The following SCN1A variants were observed in gnomAD, a reference collection of about 807,000 sequenced individuals.
SCN1A encodes the protein sodium channel protein type 1 subunit alpha.
SCN1A carries 13 observed loss-of-function variants against 193.7 expected under a neutral mutation model. The ratio of observed to expected loss-of-function variants is 0.07; its 90% CI spans 0.04 to 0.11. SCN1A has a LOEUF of 0.11. SCN1A is among the 10% of genes least tolerant of loss of function. SCN1A has a pLI of 1.00. For synonymous variants in SCN1A, 781 were observed against 843.6 expected, an observed-to-expected ratio of 0.93 and a Z score of 1.29; for missense variants, 1,432 against 2,451.1, an observed-to-expected ratio of 0.58 and a Z score of 8.78.
chr2:166,139,436 T>G (rs183912514), intron 1 of SCN1A, among the ~76,000 whole-genome samples: 1 of 152,342 alleles, frequency 6.6e-6, no homozygotes, highest in East Asian at 1.9e-4. Flanking sequence ...TCACAAGATC[T>G]GATGGCTTTA....
At chr2:166,137,621 C>A (rs554399042) in intron 1 of SCN1A, 1 of 152,448 alleles carries the variant, frequency 6.6e-6, no homozygotes, top group East Asian at 1.9e-4. Flanking sequence ...GAAGCCTCCC[C>A]AGCCATTTGG....
At chr2:166,087,032 T>A (rs1422032585) in intron 2 of SCN1A, among the ~76,000 whole-genome samples, 2 of 152,044 alleles carry the variant, frequency 1.3e-5, no homozygotes, top group Non-Finnish European at 2.9e-5. Context: ...TGTTGAAATT[T>A]GATTCCTAAT....
intron 23 of SCN1A, among the ~76,000 whole-genome samples, chr2:166,005,888 C>T (rs1012565627): frequency 6.6e-6 from 1 of 151,324 alleles, no homozygotes; most frequent in Non-Finnish European, 1.5e-5. Flanking sequence ...TGAATTAATA[C>T]TGTACTAGAG....
chr2:166,023,776 A>AT (rs1454524564), intron 19 of SCN1A, among the ~76,000 whole-genome samples: 1 of 151,196 alleles, frequency 6.6e-6, no homozygotes, highest in Non-Finnish European at 1.5e-5. Flanking sequence ...AGAAAAAAAA[A>AT]TGATGTTTTT....
intron 2 of SCN1A, among the ~76,000 whole-genome samples, chr2:166,097,456 T>G (rs2106118185): frequency 6.6e-6 from 1 of 152,286 alleles, no homozygotes; most frequent in East Asian, 1.9e-4. Flanking sequence ...TGCCAGGGTT[T>G]GAAAATCAGA....
At position 165,994,353 on chromosome 2, in the gene SCN1A, T is replaced by C. The variant is rs1434830166; in HGVS notation, c.4645A>G (p.Ile1549Val). The C allele has an allele frequency of 6.2e-7, 1 of 1,613,052 alleles. No individual in the cohort carries two copies. ...GTGACCATGTTAAGACAGATGAGAA[T>C]CATGATGCTTATGTCAAAAACTTGT... ...TRQVFDISIM[I>V]LICLNMVTMM... is the part of the protein sequence containing the mutation. The change falls in exon 28 of 29, where the codon ATT becomes GTT. Residue 1549 changes from isoleucine to valine, a missense_variant. Around this residue, in one of 18 missense-constraint regions of SCN1A, gnomAD observed 85 missense variants for 119.1 expected, o/e 0.71. Transcript: ENST00000674923.
intron 4 of SCN1A, chr2:166,060,322 T>A (rs1683158351): frequency 6.6e-6 from 1 of 152,154 alleles, no homozygotes; most frequent in Non-Finnish European, 1.5e-5. Flanking sequence ...CCAACAATAC[T>A]TAGCCCTCTT....
chr2:166,033,076 C>T (rs1048684857), intron 19 of SCN1A, among the ~76,000 whole-genome samples: 1 of 152,074 alleles, frequency 6.6e-6, no homozygotes, highest in Admixed American at 6.6e-5. Context: ...GACATGCATG[C>T]ATATAAGTAG....
rs1252865322 is a variant in SCN1A, at chr2:166,002,096, G to A, written c.4284+376C>T. Among the ~76,000 whole-genome samples the A allele has an allele frequency of 7.3e-5, 11 of 151,642 alleles. No individual in the cohort carries two copies. In the East Asian group the frequency reaches 2.1e-3, roughly 30 times the overall value. ...ATTAAGTGTATGTGTTTTGGAAGAT[G>A]ATCTATCTGTTAAGTGTATTCCGTT... On this transcript the variant is annotated intron_variant, in intron 24 of 28. Transcript: ENST00000674923.
At chr2:166,146,566 C>A (rs1692330886) in intron 1 of SCN1A, among the ~76,000 whole-genome samples, 1 of 152,146 alleles carries the variant, frequency 6.6e-6, no homozygotes, top group Non-Finnish European at 1.5e-5. Flanking sequence ...GGCAAGGACC[C>A]TGCTCAAAAT....
At chr2:166,139,776 A>G (rs1692007582) in intron 1 of SCN1A, among the ~76,000 whole-genome samples, 1 of 152,114 alleles carries the variant, frequency 6.6e-6, no homozygotes. Context: ...CCACAAGAAC[A>G]GTATGGGGAA....
Position 166,045,173 on chromosome 2 carries a change from C to A in SCN1A, c.1532G>T (p.Gly511Val). Residue 511 changes from glycine (G) to valine (V), a missense_variant, in exon 13 of 29, where the codon GGT becomes GTT. Around this residue, in one of 18 missense-constraint regions of SCN1A, gnomAD observed 316 missense variants for 362.1 expected, o/e 0.87. Coordinates refer to ENST00000674923, the MANE Select transcript of SCN1A (RefSeq NM_001165963.4). Reference sequence around the variant, plus strand: ...TTCATCCTCATCTTTCTCTTCCCCACCAGACTGCTCTTTCTGTTTTCTTTT... The same window carrying A: ...TTCATCCTCATCTTTCTCTTCCCCAACAGACTGCTCTTTCTGTTTTCTTTT... ...RKKRKQKEQSGGEEKDEDEFQ... is the reference protein window; with the variant it reads ...RKKRKQKEQSVGEEKDEDEFQ... 6.2e-7 allele frequency: 1 copy of A among 1,614,142 alleles called. No homozygotes were observed. The highest frequency in any genetic ancestry group is 8.5e-7 in the Non-Finnish European group (1 of 1,180,038).
chr2:166,048,693 C>G (rs1387896904), intron 10 of SCN1A, among the ~76,000 whole-genome samples, 193 bp downstream of exon 10: 2 of 151,992 alleles, frequency 1.3e-5, no homozygotes, highest in Non-Finnish European at 2.9e-5. Flanking sequence ...AGTATTACTT[C>G]TTGTTTTAGA....
At chr2:166,108,125 A>G (rs1688892640) in intron 2 of SCN1A, among the ~76,000 whole-genome samples, 1 of 152,114 alleles carries the variant, frequency 6.6e-6, no homozygotes, top group African/African-American at 2.4e-5. Context: ...CAAAGAACCT[A>G]ACTATAAAAA....
rs200951734 is a variant in SCN1A, at chr2:166,045,078, A to G, written c.1627T>C (p.Leu543=). ...GFRFSIEGNR[L]TYEKRYSSPH... ...GAGGAGTACCTCTTTTCATATGTCA[A>G]TCGGTTCCCTTCAATGGAGAAGCGA... Residue 543 remains leucine (L), a synonymous_variant, in exon 13 of 29, where the codon TTG becomes CTG. Coordinates refer to ENST00000674923, the MANE Select transcript of SCN1A (RefSeq NM_001165963.4). 8.1e-6 allele frequency: 13 copies of G among 1,614,052 alleles called. No homozygotes were observed. The highest frequency in any genetic ancestry group is 1.1e-5 in the Non-Finnish European group (13 of 1,180,042).
intron 15 of SCN1A, 48 bp from the exon 16 acceptor site, chr2:166,041,517 TACAC>T: frequency 8.6e-7 from 1 of 1,168,716 alleles, no homozygotes; most frequent in East Asian, 2.3e-5. Flanking sequence ...GTATACTTTA[TACAC>T]ACACATTTAT....
intron 3 of SCN1A, among the ~76,000 whole-genome samples, chr2:166,074,485 C>T (rs1684799680): frequency 6.6e-6 from 1 of 152,072 alleles, no homozygotes; most frequent in Non-Finnish European, 1.5e-5. Context: ...TGTTTTTCTT[C>T]ACTGAAGCAA....
At chr2:166,108,016 T>C (rs1173934863) in intron 2 of SCN1A, among the ~76,000 whole-genome samples, 3 of 151,998 alleles carry the variant, frequency 2.0e-5, no homozygotes, top group African/African-American at 7.2e-5. Flanking sequence ...AACCCACAGA[T>C]TGAAAGAACG....
chr2:166,024,228 AAAAC>A (rs71031223), intron 19 of SCN1A, among the ~76,000 whole-genome samples: 10,579 of 151,968 alleles, frequency 0.07, 460 homozygotes, highest in Middle Eastern at 0.21. Flanking sequence ...CCTGTCTCAA[AAAAC>A]AAACAAACAA....
Sources: gnomAD v4.1 joint callset for allele counts (sites outside exome capture counted in the v4.1 genomes callset) on GRCh38, gnomAD v4.1.1 for gene constraint, gnomAD v4.1.1 regional missense constraint, MANE v1.5 for transcripts, NCBI Gene and HGNC (gene_info 2026-07-23, HGNC 2026-07-21) for gene names.